Variants in SORCS3 observed in about 807,000 individuals in gnomAD.
SORCS3 encodes sortilin related VPS10 domain containing receptor 3.
SORCS3 carries 57 observed loss-of-function variants against 146.3 expected under a neutral mutation model. The observed-to-expected ratio is 0.39, with a 90% CI of 0.31 to 0.49. The LOEUF is 0.49. Ranked by LOEUF, SORCS3 falls within the 20% of genes least tolerant of loss-of-function variation. SORCS3 has a pLI of 0.92. For synonymous variants in SORCS3, 653 were observed against 618.5 expected (o/e 1.06, Z -0.83); for missense variants, 1,341 against 1,575.5 (o/e 0.85, Z 2.52).
Position 104,641,941 on chromosome 10 carries a change from G to A in SORCS3, c.614G>A (p.Gly205Glu). 7.5e-7 allele frequency: 1 copy of A among 1,331,124 alleles called. No homozygotes were observed. Among genetic ancestry groups the A allele is most frequent in the Non-Finnish European group, 9.8e-7 (1 of 1,018,294 alleles). 82.5% of individuals were successfully genotyped at this position (1,331,124 alleles called of 1,614,324 possible). Residue 205 changes from glycine (G) to glutamate (E), a missense_variant, in exon 1 of 27, where the codon GGA (glycine) becomes GAA (glutamate). Gly to Glu is a moderately conservative substitution (Grantham distance 98). Transcript: ENST00000369701. The surrounding 1 kb of genome is among the most constrained non-coding windows in gnomAD (Gnocchi z 6.4). ...AACCAAGCCATGGTGCACTGGTCGGGACACAACAGCAGCGTGAGTACCCAC... is the reference window on the plus strand; with the variant it reads ...AACCAAGCCATGGTGCACTGGTCGGAACACAACAGCAGCGTGAGTACCCAC... Reference protein sequence around the residue: ...AHNQAMVHWSGHNSSVILILT... With the variant: ...AHNQAMVHWSEHNSSVILILT...
chr10:105,141,053 G>A (rs1056481964), intron 8 of SORCS3, among the ~76,000 whole-genome samples: 10 of 152,160 alleles, frequency 6.6e-5, no homozygotes, highest in Non-Finnish European at 1.0e-4. Flanking sequence ...AACTTTCCAA[G>A]CCATCTCCCT....
At chr10:105,062,592 G>T (rs764760242) in intron 5 of SORCS3, among the ~76,000 whole-genome samples, 6 of 152,206 alleles carry the variant, frequency 3.9e-5, no homozygotes, top group Non-Finnish European at 1.5e-5. Flanking sequence ...GGTTGGAGAG[G>T]TCAAGGTTAA....
intron 1 of SORCS3, among the ~76,000 whole-genome samples, chr10:104,683,159 C>T (rs1213036737): frequency 1.3e-5 from 2 of 152,144 alleles, no homozygotes; most frequent in Non-Finnish European, 2.9e-5. Context: ...CCATTCAAGT[C>T]AAGGTAACAT....
intron 9 of SORCS3, among the ~76,000 whole-genome samples, chr10:105,149,927 T>A (rs2056156704): frequency 6.6e-6 from 1 of 152,126 alleles, no homozygotes; most frequent in South Asian, 2.1e-4. Flanking sequence ...TCAGTCTTAT[T>A]GAAGAAAAAA....
chr10:104,650,041 A>G (rs2133238066), intron 1 of SORCS3, among the ~76,000 whole-genome samples: 1 of 152,324 alleles, frequency 6.6e-6, no homozygotes, highest in East Asian at 1.9e-4. Flanking sequence ...GCTAGACCTC[A>G]ATGTTACATT....
At chr10:105,029,378 A>G (rs986489850) in intron 4 of SORCS3, among the ~76,000 whole-genome samples, 11 of 152,200 alleles carry the variant, frequency 7.2e-5, no homozygotes, top group Admixed American at 3.3e-4. Flanking sequence ...TTGGGTAGGA[A>G]TTGGCCAGTC....
intron 1 of SORCS3, among the ~76,000 whole-genome samples, chr10:104,651,480 G>C (rs139877627): frequency 6.7e-6 from 1 of 149,754 alleles, no homozygotes. Flanking sequence ...GATCACTTGA[G>C]GTCAGGAGTT....
intron 18 of SORCS3, among the ~76,000 whole-genome samples, chr10:105,215,795 A>T (rs2056661408): frequency 6.6e-6 from 1 of 152,204 alleles, no homozygotes; most frequent in Admixed American, 6.5e-5. Context: ...TGGAAAGTGA[A>T]ACTGTGATCA....
intron 2 of SORCS3, among the ~76,000 whole-genome samples, chr10:104,885,462 C>A (rs747929265): frequency 1.3e-5 from 2 of 152,062 alleles, no homozygotes; most frequent in African/African-American, 4.8e-5. Flanking sequence ...TGTGGCAATA[C>A]GGTATTAAGT....
At chr10:105,059,212 C>T (rs1205214075) in intron 5 of SORCS3, among the ~76,000 whole-genome samples, 3 of 152,238 alleles carry the variant, frequency 2.0e-5, no homozygotes, top group East Asian at 1.9e-4. Context: ...ATCAAAAACC[C>T]CCTCTTTTCT....
At chr10:104,681,837 C>G (rs1466457075) in intron 1 of SORCS3, among the ~76,000 whole-genome samples, 1 of 152,178 alleles carries the variant, frequency 6.6e-6, no homozygotes, top group Non-Finnish European at 1.5e-5. Flanking sequence ...CTCTCCTCTT[C>G]TGGTTTTTAC....
chr10:104,674,297 C>T (rs2015889811), intron 1 of SORCS3, among the ~76,000 whole-genome samples: 1 of 152,230 alleles, frequency 6.6e-6, no homozygotes, highest in Non-Finnish European at 1.5e-5. Context: ...TGTACAGACT[C>T]CTCCCCTGGG....
At chr10:105,104,065 A>G (rs978082214) in intron 6 of SORCS3, among the ~76,000 whole-genome samples, 1 of 149,866 alleles carries the variant, frequency 6.7e-6, no homozygotes, top group African/African-American at 2.4e-5. Flanking sequence ...TTTAATCTCA[A>G]TTGTTATACA....
chr10:105,143,317 C>T (rs145226387), intron 8 of SORCS3, among the ~76,000 whole-genome samples: 1 of 152,096 alleles, frequency 6.6e-6, no homozygotes, highest in Non-Finnish European at 1.5e-5. Context: ...CTAAGTTGTT[C>T]TTGTATTCTG....
chr10:105,003,480 G>A (rs544644643), intron 4 of SORCS3, among the ~76,000 whole-genome samples: 1 of 151,994 alleles, frequency 6.6e-6, no homozygotes, highest in Non-Finnish European at 1.5e-5. Flanking sequence ...AACTCTGCTT[G>A]CTTTTTCCAA....
intron 1 of SORCS3, among the ~76,000 whole-genome samples, chr10:104,643,210 C>T (rs543600538): frequency 6.6e-6 from 1 of 152,288 alleles, no homozygotes; most frequent in South Asian, 2.1e-4. Context: ...GGAACTCACC[C>T]CGCAACTCCC....
At chr10:105,239,205 G>A (rs925159803) in intron 20 of SORCS3, among the ~76,000 whole-genome samples, 8 of 152,100 alleles carry the variant, frequency 5.3e-5, no homozygotes, top group African/African-American at 7.2e-5. Context: ...AGTTCTAAAC[G>A]TGGTAGATCC....
At chr10:104,699,581 A>G (rs137912137) in intron 1 of SORCS3, among the ~76,000 whole-genome samples, 3 of 152,282 alleles carry the variant, frequency 2.0e-5, no homozygotes, top group African/African-American at 7.2e-5. Context: ...GACCTTAGAA[A>G]ACTACCTTTG....
intron 5 of SORCS3, among the ~76,000 whole-genome samples, chr10:105,065,367 G>T (rs1272236313): frequency 2.0e-5 from 3 of 151,708 alleles, no homozygotes; most frequent in African/African-American, 7.3e-5. Context: ...GGAAACTCGT[G>T]TAGCAATTTG....
Sources: gnomAD v4.1 joint callset for allele counts (sites outside exome capture counted in the v4.1 genomes callset) on GRCh38, gnomAD v4.1.1 for gene constraint, Gnocchi (gnomAD v3.1) non-coding constraint, MANE v1.5 for transcripts, NCBI Gene and HGNC (gene_info 2026-07-23, HGNC 2026-07-21) for gene names.